GALNTL6: variants seen among roughly 807,000 people sequenced by gnomAD.
The protein encoded by GALNTL6 is polypeptide N-acetylgalactosaminyltransferase like 6, also known as polypeptide N-acetylgalactosaminyltransferase-like 6.
Under a neutral mutation model 73.7 loss-of-function variants are expected in GALNTL6, and 46 were observed. The ratio of observed to expected loss-of-function variants is 0.62; its 90% CI spans 0.49 to 0.80. The LOEUF (loss-of-function observed/expected upper bound fraction) is 0.80, where lower values mean the gene tolerates loss of function less well. GALNTL6 is among the 30% of genes least tolerant of loss of function. The pLI is 0.00. For missense variants in GALNTL6, 604 were observed against 755.0 expected, an observed-to-expected ratio of 0.80 and a Z score of 2.34; for synonymous variants, 259 against 263.7, an observed-to-expected ratio of 0.98 and a Z score of 0.17.
intron 2 of GALNTL6, among the ~76,000 whole-genome samples, chr4:172,215,337 A>C (rs1414918579): frequency 6.6e-6 from 1 of 152,102 alleles, no homozygotes; most frequent in Non-Finnish European, 1.5e-5. Context: ...TCAATTAATA[A>C]AGAGAGGTTT....
At chr4:172,204,776 A>G (rs893149361) in intron 2 of GALNTL6, among the ~76,000 whole-genome samples, 4 of 152,204 alleles carry the variant, frequency 2.6e-5, no homozygotes, top group African/African-American at 9.6e-5. Flanking sequence ...TAAAAAGTCA[A>G]TTTGTGAAGC....
chr4:172,392,963 T>C (rs555420952), intron 5 of GALNTL6, among the ~76,000 whole-genome samples: 102 of 152,274 alleles, frequency 6.7e-4, no homozygotes, highest in Middle Eastern at 3.4e-3. Context: ...GAGCTCCACC[T>C]CCTGTTAGAT....
intron 2 of GALNTL6, among the ~76,000 whole-genome samples, chr4:172,005,267 G>C (rs894057173): frequency 2.0e-5 from 3 of 151,948 alleles, no homozygotes; most frequent in South Asian, 4.1e-4. Flanking sequence ...TGGGACCACA[G>C]GTATGCACCA....
chr4:172,234,320 T>A (rs1413717840), intron 3 of GALNTL6, among the ~76,000 whole-genome samples: 1 of 152,178 alleles, frequency 6.6e-6, no homozygotes, highest in Non-Finnish European at 1.5e-5. Context: ...TGGCTACTTT[T>A]GGCATTTTAT....
chr4:172,206,803 C>CTGTT (rs201213228), intron 2 of GALNTL6, among the ~76,000 whole-genome samples: 2,582 of 13,198 alleles, frequency 0.2, 508 homozygotes, highest in South Asian at 0.27. Context: ...TTTTGTTTTT[C>CTGTT]TGTTTTTTTT....
At chr4:171,885,130 G>T (rs1736572839) in intron 2 of GALNTL6, among the ~76,000 whole-genome samples, 1 of 151,924 alleles carries the variant, frequency 6.6e-6, no homozygotes, top group Non-Finnish European at 1.5e-5. Flanking sequence ...GGGATTTGGG[G>T]ACCCTTGTGT....
chr4:172,451,555 T>G (rs564774053), intron 5 of GALNTL6, among the ~76,000 whole-genome samples: 1 of 152,160 alleles, frequency 6.6e-6, no homozygotes, highest in African/African-American at 2.4e-5. Flanking sequence ...AGAAAAGAGG[T>G]TGGGATCTGA....
chr4:172,052,336 T>G, intron 2 of GALNTL6: 1 of 712,708 alleles, frequency 1.4e-6, no homozygotes, highest in Non-Finnish European at 2.3e-6. Context: ...GTGAGCTTAT[T>G]TAGAGATGGG....
intron 7 of GALNTL6, among the ~76,000 whole-genome samples, chr4:172,846,256 C>T (rs556156180): frequency 3.3e-5 from 5 of 152,138 alleles, no homozygotes; most frequent in African/African-American, 1.2e-4. Flanking sequence ...CCTATTTAAC[C>T]AAAAAGCTTA....
intron 2 of GALNTL6, among the ~76,000 whole-genome samples, chr4:171,843,617 G>A (rs780623537): frequency 6.6e-6 from 1 of 152,074 alleles, no homozygotes; most frequent in Non-Finnish European, 1.5e-5. Flanking sequence ...TATTAAGCCA[G>A]GCAGTGAGGA....
At chr4:171,816,602 G>C (rs1458740886) in intron 2 of GALNTL6, among the ~76,000 whole-genome samples, 1 of 151,642 alleles carries the variant, frequency 6.6e-6, no homozygotes, top group Non-Finnish European at 1.5e-5. Context: ...AACCAAGTGG[G>C]GAAGAAAATA....
At chr4:172,042,231 C>T (rs991095302) in intron 2 of GALNTL6, among the ~76,000 whole-genome samples, 4 of 151,982 alleles carry the variant, frequency 2.6e-5, no homozygotes, top group African/African-American at 7.2e-5. Flanking sequence ...GTAAACTCTG[C>T]TACTAATTGA....
In GALNTL6 at chr4:172,641,146, A is replaced by G. The variant is rs147722185; in HGVS notation, c.554-168215A>G. Among the ~76,000 whole-genome samples, 118 of 152,180 alleles carry G rather than the reference A, an allele frequency of 7.8e-4. 1 individual carries two copies. The highest frequency in any genetic ancestry group is 2.7e-3 in the African/African-American group (113 of 41,548). On this transcript the variant is annotated intron_variant, in intron 5 of 12. Coordinates refer to ENST00000506823, the MANE Select transcript of GALNTL6 (RefSeq NM_001034845.3). ...TTATCATTCTCTTCACTGCAATCAC[A>G]ATGAACTAAGTCAACATCATCTTTT...
intron 5 of GALNTL6, among the ~76,000 whole-genome samples, chr4:172,760,584 C>T (rs1738025828): frequency 6.6e-6 from 1 of 152,164 alleles, no homozygotes; most frequent in Non-Finnish European, 1.5e-5. Context: ...TGCCCTGCTT[C>T]TCTACAACTG....
chr4:171,904,002 A>G (rs1189220771), intron 2 of GALNTL6, among the ~76,000 whole-genome samples: 2 of 152,094 alleles, frequency 1.3e-5, no homozygotes, highest in Non-Finnish European at 2.9e-5. Context: ...GTACATCACC[A>G]TCATCAAAGA....
intron 4 of GALNTL6, among the ~76,000 whole-genome samples, chr4:172,316,411 A>G (rs1028193253): frequency 6.6e-6 from 1 of 152,152 alleles, no homozygotes; most frequent in African/African-American, 2.4e-5. Context: ...CTCACTTTGT[A>G]TTGTGACTTT....
chr4:171,937,631 C>T (rs1254090971), intron 2 of GALNTL6, among the ~76,000 whole-genome samples: 1 of 152,062 alleles, frequency 6.6e-6, no homozygotes, highest in African/African-American at 2.4e-5. Context: ...TATTCAGCTA[C>T]CACCAAGCAG....
chr4:172,731,199 C>G (rs1736130673), intron 5 of GALNTL6, among the ~76,000 whole-genome samples: 2 of 151,866 alleles, frequency 1.3e-5, no homozygotes, highest in Non-Finnish European at 2.9e-5. Flanking sequence ...TGATGGGAGA[C>G]TCTTTATTAC....
intron 2 of GALNTL6, among the ~76,000 whole-genome samples, chr4:171,838,469 AT>A (rs1735160054): frequency 6.6e-6 from 1 of 152,036 alleles, no homozygotes; most frequent in East Asian, 1.9e-4. Context: ...GACAATAAAT[AT>A]TTTATTGTTC....
Sources: gnomAD v4.1 joint callset for allele counts (sites outside exome capture counted in the v4.1 genomes callset) on GRCh38, gnomAD v4.1.1 for gene constraint, MANE v1.5 for transcripts, NCBI Gene and HGNC (gene_info 2026-07-23, HGNC 2026-07-21) for gene names.